UBE2D2: variants seen among roughly 807,000 people sequenced by gnomAD.
The protein encoded by UBE2D2 is ubiquitin-conjugating enzyme E2 D2.
A neutral mutation model predicts 24.2 loss-of-function variants in UBE2D2; 2 were observed. The ratio of observed to expected loss-of-function variants is 0.08; its 90% CI spans 0.03 to 0.26. The LOEUF (loss-of-function observed/expected upper bound fraction) is 0.26. UBE2D2 is among the 10% of genes least tolerant of loss of function. UBE2D2 has a pLI of 1.00. For synonymous variants in UBE2D2, 58 were observed against 56.5 expected (o/e 1.03, Z -0.12); for missense variants, 44 against 177.6 (o/e 0.25, Z 4.28).
intron 5 of UBE2D2, among the ~76,000 whole-genome samples, chr5:139,622,218 GTTTTA>G (rs997501090): frequency 1.3e-5 from 2 of 151,846 alleles, no homozygotes; most frequent in African/African-American, 2.4e-5. Context: ...TCTGCTATTT[GTTTTA>G]TTTTATTTTT....
chr5:139,526,331 G>A (rs1752536507), upstream of UBE2D2: 1 of 152,234 alleles, frequency 6.6e-6, no homozygotes, highest in African/African-American at 2.4e-5. Context: ...TTTTATCTAT[G>A]GCTCGTCCTG....
At chr5:139,565,692 C>G (rs929292220) in intron 1 of UBE2D2, among the ~76,000 whole-genome samples, 3 of 152,112 alleles carry the variant, frequency 2.0e-5, no homozygotes, top group Non-Finnish European at 4.4e-5. Context: ...CTTGGCTGAT[C>G]GGAGACCTTT....
intron 1 of UBE2D2, among the ~76,000 whole-genome samples, chr5:139,538,637 G>A (rs1366982862): frequency 1.3e-5 from 2 of 152,034 alleles, no homozygotes; most frequent in African/African-American, 4.8e-5. Flanking sequence ...TTGGGAGGCC[G>A]AGGCGGGCAG....
chr5:139,597,478 T>C (rs749328282), intron 1 of UBE2D2, among the ~76,000 whole-genome samples: 3 of 152,224 alleles, frequency 2.0e-5, no homozygotes, highest in Non-Finnish European at 4.4e-5. Flanking sequence ...TGAAATGGAC[T>C]GATGGATCTT....
intron 5 of UBE2D2, among the ~76,000 whole-genome samples, chr5:139,621,063 G>A (rs894911090): frequency 6.6e-6 from 1 of 152,102 alleles, no homozygotes; most frequent in Non-Finnish European, 1.5e-5. Context: ...TGGCCAACAT[G>A]GCAAAACCCA....
At chr5:139,555,514 T>G (rs1460770857) in intron 1 of UBE2D2, among the ~76,000 whole-genome samples, 1 of 152,040 alleles carries the variant, frequency 6.6e-6, no homozygotes, top group Non-Finnish European at 1.5e-5. Flanking sequence ...TGAATAAAAA[T>G]GAAAACCCAA....
At chr5:139,615,079 T>G (rs1754395918) in intron 5 of UBE2D2, 113 bp downstream of exon 5, 2 of 1,081,622 alleles carry the variant, frequency 1.8e-6, no homozygotes, top group South Asian at 3.2e-5. Context: ...TAGCAATTCT[T>G]CTTAATCTGA....
intron 1 of UBE2D2, among the ~76,000 whole-genome samples, chr5:139,537,052 G>A (rs940604205): frequency 4.0e-5 from 6 of 151,844 alleles, no homozygotes; most frequent in Non-Finnish European, 7.4e-5. Flanking sequence ...GCATGGTGGC[G>A]GATGCCTGTA....
At chr5:139,588,714 A>G (rs971328083) in intron 1 of UBE2D2, among the ~76,000 whole-genome samples, 1 of 152,172 alleles carries the variant, frequency 6.6e-6, no homozygotes, top group African/African-American at 2.4e-5. Context: ...TCACTACTGG[A>G]AGCTGTCAAC....
intron 1 of UBE2D2, among the ~76,000 whole-genome samples, chr5:139,552,497 TTTTTC>T (rs1752932777): frequency 7.1e-6 from 1 of 141,386 alleles, no homozygotes; most frequent in African/African-American, 2.9e-5. Context: ...TTTTGTTTCT[TTTTTC>T]TTTTTTCTTT....
chr5:139,573,213 A>C (rs1441443377), intron 1 of UBE2D2, among the ~76,000 whole-genome samples: 1 of 151,792 alleles, frequency 6.6e-6, no homozygotes, highest in African/African-American at 2.4e-5. Context: ...GAGGCAGGAC[A>C]ATGGCGTGAA....
Position 139,614,759 on chromosome 5 carries a change from C to T in UBE2D2, c.183C>T (p.Pro61=), listed in dbSNP as rs751048490. 1.2e-6 allele frequency: 2 copies of T among 1,613,732 alleles called. No homozygotes were observed. Among genetic ancestry groups the T allele is most frequent in the East Asian group, 2.2e-5 (1 of 44,820 alleles). The change falls in exon 4 of 7, where the codon CCC becomes CCT. Residue 61 remains proline (P), a synonymous_variant. Coordinates refer to ENST00000398733, the MANE Select transcript of UBE2D2 (RefSeq NM_003339.3). The part of the protein sequence containing the change: ...FLTIHFPTDY[P]FKPPKVAFTT... ...CAATTCATTTCCCAACAGATTACCC[C>T]TTCAAACCACCTAAGGTAATTAATT...
intron 1 of UBE2D2, among the ~76,000 whole-genome samples, chr5:139,597,227 C>G (rs1315963210): frequency 1.3e-5 from 2 of 152,172 alleles, no homozygotes; most frequent in Non-Finnish European, 2.9e-5. Flanking sequence ...ATTCCCCCCT[C>G]CAACTCCCTC....
rs1298926202 is a variant in UBE2D2 at position 139,627,811 on chromosome 5, A to G, written c.*1010A>G. On this transcript the variant is annotated 3_prime_UTR_variant, in exon 7 of 7. Transcript: ENST00000398733. ...GGTTGCATTTTAAGATCATGAAACA[A>G]TTCCAGTTACATTGTAAAAAGGATA... 6.5e-6 allele frequency: 1 copy of G among 152,694 alleles called. No individual in the cohort carries two copies. The highest frequency in any genetic ancestry group is 2.4e-5 in the African/African-American group (1 of 41,470). The allele number at this position is 152,694 out of a possible 1,614,324, so 9.5% of individuals were successfully genotyped here.
chr5:139,593,622 T>A (rs779587206), intron 1 of UBE2D2, among the ~76,000 whole-genome samples: 1 of 152,078 alleles, frequency 6.6e-6, no homozygotes, highest in East Asian at 1.9e-4. Flanking sequence ...TATTAAAATA[T>A]GTACTTTTTT....
chr5:139,550,813 G>A (rs1011525168), intron 1 of UBE2D2, among the ~76,000 whole-genome samples: 6 of 151,988 alleles, frequency 3.9e-5, no homozygotes, highest in Non-Finnish European at 7.4e-5. Flanking sequence ...AAATCCACCA[G>A]AAGGAAGAAA....
chr5:139,625,156 C>T (rs1754589161), intron 6 of UBE2D2, among the ~76,000 whole-genome samples: 1 of 151,602 alleles, frequency 6.6e-6, no homozygotes, highest in Non-Finnish European at 1.5e-5. Context: ...CTCATGGGCT[C>T]AAGTGATCCT....
At chr5:139,580,554 C>T (rs1324058252) in intron 1 of UBE2D2, among the ~76,000 whole-genome samples, 5 of 152,254 alleles carry the variant, frequency 3.3e-5, no homozygotes, top group Admixed American at 6.5e-5. Context: ...CTCCGCCTCC[C>T]GGGTTTAAGC....
chr5:139,600,168 A>G, intron 1 of UBE2D2: 1 of 656,004 alleles, frequency 1.5e-6, no homozygotes, highest in Non-Finnish European at 2.8e-6. Flanking sequence ...AGCAAAAATG[A>G]CCCACTTTAA....
Sources: allele counts gnomAD v4.1 joint callset (sites outside exome capture counted in the v4.1 genomes callset), GRCh38; gene constraint gnomAD v4.1.1; transcripts MANE v1.5; gene names NCBI Gene and HGNC (gene_info 2026-07-23, HGNC 2026-07-21).